LNP1: variants seen among roughly 807,000 people sequenced by gnomAD.
The protein encoded by LNP1 is leukemia NUP98 fusion partner 1.
A neutral mutation model predicts 14.5 loss-of-function variants in LNP1; 12 were observed. The ratio of observed to expected loss-of-function variants is 0.83; its 90% CI spans 0.53 to 1.34. The LOEUF is 1.34. Among genes scored for constraint, LNP1 ranks in the 40% most tolerant of loss-of-function variants. The pLI, the probability that LNP1 is intolerant of heterozygous loss-of-function variation, is 0.00. For synonymous variants in LNP1, 75 were observed against 71.4 expected, an observed-to-expected ratio of 1.05 and a Z score of -0.26; for missense variants, 198 against 210.9, an observed-to-expected ratio of 0.94 and a Z score of 0.38.
chr3:100,409,739 T>C (rs1050922698), intron 1 of LNP1, among the ~76,000 whole-genome samples: 1 of 150,702 alleles, frequency 6.6e-6, no homozygotes, highest in Non-Finnish European at 1.5e-5. Flanking sequence ...GGATTGCAGG[T>C]ACCCACCACT....
intron 1 of LNP1, among the ~76,000 whole-genome samples, chr3:100,404,994 G>A (rs1057046967): frequency 2.9e-4 from 44 of 151,798 alleles, no homozygotes; most frequent in African/African-American, 8.7e-4. Context: ...GGGTTTCACC[G>A]TGTTAGCCAG....
chr3:100,423,815 A>C (rs772062353), intron 1 of LNP1, among the ~76,000 whole-genome samples: 1 of 152,190 alleles, frequency 6.6e-6, no homozygotes, highest in African/African-American at 2.4e-5. Flanking sequence ...AAAAAGGTGC[A>C]GGGTAAAAAG....
chr3:100,424,817 G>C (rs1576229776), intron 1 of LNP1, among the ~76,000 whole-genome samples: 1 of 152,136 alleles, frequency 6.6e-6, no homozygotes, highest in Non-Finnish European at 1.5e-5. Flanking sequence ...GATCTCCTTG[G>C]TCAAGGCATT....
At chr3:100,434,822 C>T (rs894115297) in intron 2 of LNP1, among the ~76,000 whole-genome samples, 2 of 142,742 alleles carry the variant, frequency 1.4e-5, no homozygotes, top group African/African-American at 5.0e-5. Context: ...AGCCACTGCA[C>T]CCGGCTGTCT....
intron 2 of LNP1, among the ~76,000 whole-genome samples, chr3:100,447,507 G>A (rs1282792833): frequency 2.0e-5 from 3 of 151,862 alleles, no homozygotes; most frequent in African/African-American, 4.8e-5. Flanking sequence ...TAAATGGTGA[G>A]TTGATGGGTG....
intron 2 of LNP1, among the ~76,000 whole-genome samples, chr3:100,449,423 A>G (rs767027465): frequency 2.8e-4 from 42 of 152,306 alleles, no homozygotes; most frequent in Non-Finnish European, 4.9e-4. Context: ...GTGGTTCCAT[A>G]AGGAAAAACA....
intron 2 of LNP1, among the ~76,000 whole-genome samples, chr3:100,451,361 C>G (rs189348344): frequency 6.6e-6 from 1 of 152,286 alleles, no homozygotes; most frequent in East Asian, 1.9e-4. Context: ...CCAAAGTGGG[C>G]AGGGGGCTTC....
intron 2 of LNP1, among the ~76,000 whole-genome samples, chr3:100,432,183 C>G (rs1360645307): frequency 6.6e-6 from 1 of 151,172 alleles, no homozygotes; most frequent in East Asian, 1.9e-4. Context: ...AGGCCCTTCC[C>G]TCTCTCAACC....
intron 1 of LNP1, among the ~76,000 whole-genome samples, chr3:100,417,703 T>A (rs1707099920): frequency 6.6e-6 from 1 of 152,140 alleles, no homozygotes; most frequent in African/African-American, 2.4e-5. Context: ...ATACGTAGTT[T>A]TAAATCTTTT....
At chr3:100,428,970 G>C (rs1707219413) in intron 1 of LNP1, among the ~76,000 whole-genome samples, 1 of 152,198 alleles carries the variant, frequency 6.6e-6, no homozygotes, top group Non-Finnish European at 1.5e-5. Flanking sequence ...GATTGGAAGG[G>C]GGATACATGG....
intron 2 of LNP1, among the ~76,000 whole-genome samples, chr3:100,443,591 G>A (rs893241921): frequency 1.9e-4 from 29 of 152,232 alleles, no homozygotes; most frequent in African/African-American, 6.3e-4. Context: ...CTATAAGAAC[G>A]TTACATTCTT....
chr3:100,427,340 T>G (rs932213694), intron 1 of LNP1, among the ~76,000 whole-genome samples: 2 of 152,168 alleles, frequency 1.3e-5, no homozygotes, highest in Non-Finnish European at 2.9e-5. Flanking sequence ...GCTGCACTTT[T>G]TAATCCCTTC....
intron 1 of LNP1, among the ~76,000 whole-genome samples, chr3:100,415,748 G>A (rs903059620): frequency 1.3e-5 from 2 of 152,114 alleles, no homozygotes; most frequent in African/African-American, 4.8e-5. Flanking sequence ...AAGAATGGAT[G>A]GATTATTATA....
At chr3:100,425,943 G>A (rs1707188378) in intron 1 of LNP1, among the ~76,000 whole-genome samples, 1 of 152,198 alleles carries the variant, frequency 6.6e-6, no homozygotes, top group Non-Finnish European at 1.5e-5. Flanking sequence ...AGAAGAGTCA[G>A]ACTATCAATC....
chr3:100,445,893 G>T (rs1707383031), intron 2 of LNP1, among the ~76,000 whole-genome samples: 1 of 152,022 alleles, frequency 6.6e-6, no homozygotes, highest in Non-Finnish European at 1.5e-5. Context: ...AACTTACAAG[G>T]GATGTGAAGG....
rs1330662590 is a variant in LNP1, at chr3:100,401,774, G to A, written c.-699G>A. 1 of 152,264 alleles carries A rather than the reference G, an allele frequency of 6.6e-6. No individual in the cohort carries two copies. The highest frequency in any genetic ancestry group is 1.5e-5 in the Non-Finnish European group (1 of 68,056). The allele number at this position is 152,264 out of a possible 1,614,324, so 9.4% of individuals were successfully genotyped here. A position where few individuals can be genotyped will look rare whatever the true frequency, so the allele number is the denominator to read the frequency against. On this transcript the variant is annotated 5_prime_UTR_variant, in exon 1 of 4. It adds an upstream start codon to the 5' untranslated region. Coordinates refer to ENST00000383693, the MANE Select transcript of LNP1 (RefSeq NM_001085451.2). ...GGAGATAGCGATGGCAGAAGACTAG[G>A]TGGAAATGGCACATCTAGGTTGGCT...
At chr3:100,403,797 A>C (rs1706937401) in intron 1 of LNP1, among the ~76,000 whole-genome samples, 1 of 152,044 alleles carries the variant, frequency 6.6e-6, no homozygotes, top group Non-Finnish European at 1.5e-5. Context: ...ACCATGGGCA[A>C]CTCTGCTTTC....
At chr3:100,449,971 C>T (rs1291986506) in intron 2 of LNP1, among the ~76,000 whole-genome samples, 6 of 152,132 alleles carry the variant, frequency 3.9e-5, no homozygotes, top group South Asian at 4.2e-4. Context: ...TTCAGCTTGG[C>T]CTGGCTAGCA....
intron 1 of LNP1, among the ~76,000 whole-genome samples, chr3:100,408,535 G>A (rs1384131141): frequency 2.0e-5 from 3 of 152,354 alleles, no homozygotes; most frequent in African/African-American, 4.8e-5. Flanking sequence ...GTTGCTGTGG[G>A]TTATTTGGAT....
Sources: allele counts gnomAD v4.1 joint callset (sites outside exome capture counted in the v4.1 genomes callset), GRCh38; gene constraint gnomAD v4.1.1; transcripts MANE v1.5; gene names NCBI Gene and HGNC (gene_info 2026-07-23, HGNC 2026-07-21).